The following COL5A1 variants were observed in gnomAD, a reference collection of about 807,000 sequenced individuals.
COL5A1 encodes collagen alpha-1(V) chain.
COL5A1 carries 16 observed loss-of-function variants against 263.7 expected under a neutral mutation model. That is an observed-to-expected ratio of 0.06 (90% CI 0.04 to 0.09). The LOEUF (loss-of-function observed/expected upper bound fraction) is 0.09. Among genes scored for constraint, COL5A1 ranks in the 10% least tolerant of loss-of-function variants. The pLI is 1.00. For missense variants in COL5A1, 2,036 were observed against 2,540.5 expected, an observed-to-expected ratio of 0.80 and a Z score of 4.27; for synonymous variants, 1,012 against 1,004.5, an observed-to-expected ratio of 1.01 and a Z score of -0.14.
chr9:134,731,463 G>A (rs778536488), intron 7 of COL5A1, 33 bp from the exon 8 acceptor site: 3 of 1,612,634 alleles, frequency 1.9e-6, no homozygotes, highest in South Asian at 1.1e-5. Flanking sequence ...GTGCGTTTGC[G>A]AGGCAACCCT....
At chr9:134,740,877 A>G (rs1378354868) in intron 11 of COL5A1, among the ~76,000 whole-genome samples, 2 of 152,190 alleles carry the variant, frequency 1.3e-5, no homozygotes, top group Non-Finnish European at 2.9e-5. Context: ...AGGGTCCAGG[A>G]GCATGAGGAC....
At position 134,678,388 on chromosome 9, in the gene COL5A1, G is replaced by T. The variant is rs1832739648; in HGVS notation, c.110-12524G>T. Among the ~76,000 whole-genome samples the T allele has an allele frequency of 6.6e-6, 1 of 152,184 alleles. No homozygotes were observed. Among genetic ancestry groups the T allele is most frequent in the South Asian group, 2.1e-4 (1 of 4,820 alleles). ...AGCTGCCCCTCCCCCATGGTGCTCGGGTGCATGGATGGTGCCCAGGGTCCA... is the reference window on the plus strand; with the variant it reads ...AGCTGCCCCTCCCCCATGGTGCTCGTGTGCATGGATGGTGCCCAGGGTCCA... On this transcript the variant is annotated intron_variant, in intron 1 of 65. Coordinates refer to ENST00000371817, the MANE Select transcript of COL5A1 (RefSeq NM_000093.5). The surrounding 1 kb of genome is among the most constrained non-coding windows in gnomAD (Gnocchi z 5.5).
At chr9:134,674,167 A>C (rs1173193002) in intron 1 of COL5A1, among the ~76,000 whole-genome samples, 1 of 152,188 alleles carries the variant, frequency 6.6e-6, no homozygotes, top group Non-Finnish European at 1.5e-5. Context: ...ATGTATAGGC[A>C]TTCATCCAAG....
At chr9:134,768,546 G>A in intron 25 of COL5A1, 83 bp downstream of exon 25, 1 of 1,403,524 alleles carries the variant, frequency 7.1e-7, no homozygotes, top group South Asian at 1.2e-5. Flanking sequence ...GGCTCTTTGG[G>A]GTTGTTGTTG....
chr9:134,825,571 C>T (rs1323314487), intron 62 of COL5A1, among the ~76,000 whole-genome samples: 1 of 152,176 alleles, frequency 6.6e-6, no homozygotes, highest in African/African-American at 2.4e-5. Context: ...TTGCTTCATG[C>T]ACCAGCTGTG....
In COL5A1 at chr9:134,824,842, C is replaced by T. The variant is rs747549921; in HGVS notation, c.4941C>T (p.Pro1647=). Residue 1647 remains proline (P), a synonymous_variant, in exon 62 of 66, where the codon CCC becomes CCT. Coordinates refer to ENST00000371817, the MANE Select transcript of COL5A1 (RefSeq NM_000093.5). The part of the protein sequence containing the change: ...RTCKDLQLCH[P]DFPDGEYWVD... Reference sequence around the variant, plus strand: ...GCAAGGACCTGCAGCTCTGCCACCCCGACTTCCCAGATGGTGAGGGCCTGG... The same window carrying T: ...GCAAGGACCTGCAGCTCTGCCACCCTGACTTCCCAGATGGTGAGGGCCTGG... The T allele has an allele frequency of 1.7e-4, 271 of 1,612,656 alleles. No individual in the cohort carries two copies. The highest frequency in any genetic ancestry group is 1.5e-3 in the Middle Eastern group (9 of 6,056).
chr9:134,688,039 G>T (rs539566173), intron 1 of COL5A1, among the ~76,000 whole-genome samples: 47 of 152,284 alleles, frequency 3.1e-4, no homozygotes, highest in African/African-American at 1.0e-3. Context: ...GGCTCCTCCT[G>T]GGCTCTCCCC....
intron 63 of COL5A1, among the ~76,000 whole-genome samples, chr9:134,826,342 G>A (rs917439276): frequency 2.2e-4 from 33 of 152,344 alleles, no homozygotes; most frequent in Admixed American, 1.1e-3. Flanking sequence ...GTTTCTGTGG[G>A]TTGGCCCTGG....
In COL5A1 at chr9:134,696,867, G is replaced by A. The variant is rs1048968449; in HGVS notation, c.278-3042G>A. 2.0e-5 allele frequency among the ~76,000 whole-genome samples: 3 copies of A among 152,024 alleles called. No homozygotes were observed. Among genetic ancestry groups the A allele is most frequent in the Admixed American group, 6.6e-5 (1 of 15,254 alleles). ...AGGCGGATCACGAGGTCAGGAGATC[G>A]AGACCATCCTGGCTAACACGGTGAA... is the stretch of plus-strand genomic sequence containing the variant. On this transcript the variant is annotated intron_variant, in intron 2 of 65. Transcript: ENST00000371817. This position sits in a 1 kb window ranked among gnomAD's most constrained non-coding sequence, Gnocchi z 4.3.
chr9:134,822,374 ACAGGAAACGGTGGCCATTT>A (rs1030506248), intron 59 of COL5A1, among the ~76,000 whole-genome samples: 2 of 152,198 alleles, frequency 1.3e-5, no homozygotes, highest in Non-Finnish European at 2.9e-5. Flanking sequence ...GAAGACAGGG[ACAGGAAACGGTGGCCATTT>A]CAGGGAACGA....
chr9:134,818,234 GACGCCGTC>G lies in COL5A1; in HGVS notation c.4230+406_4231-412del, dbSNP rs1297033518. On this transcript the variant is annotated intron_variant, in intron 54 of 65. Transcript: ENST00000371817. The surrounding 1 kb of genome is among the most constrained non-coding windows in gnomAD (Gnocchi z 6.0). ...GCTGCGGGGCCCGTGCAGAAGATGG[GACGCCGTC>G]ACCCATGCAGTTGGCTTGGGGCCTG... Among the ~76,000 whole-genome samples the G allele has an allele frequency of 6.6e-6, 1 of 152,214 alleles. No individual in the cohort carries two copies. Among genetic ancestry groups the G allele is most frequent in the Non-Finnish European group, 1.5e-5 (1 of 68,028 alleles).
chr9:134,759,540 T>TGCGC (rs576119873), intron 18 of COL5A1, among the ~76,000 whole-genome samples: 2 of 62,942 alleles, frequency 3.2e-5, no homozygotes, highest in African/African-American at 2.1e-4. Flanking sequence ...ACACCACACA[T>TGCGC]GCGCACACAC....
intron 29 of COL5A1, among the ~76,000 whole-genome samples, chr9:134,783,437 T>A (rs932104196): frequency 1.3e-5 from 2 of 151,848 alleles, no homozygotes; most frequent in African/African-American, 4.8e-5. Flanking sequence ...GAAGGAAGGG[T>A]AGGGAGCTCT....
At chr9:134,730,844 G>A (rs1350029489) in intron 7 of COL5A1, among the ~76,000 whole-genome samples, 2 of 152,198 alleles carry the variant, frequency 1.3e-5, no homozygotes, top group Non-Finnish European at 2.9e-5. Context: ...GGTGTGGCCA[G>A]GCAGGATGGG....
At chr9:134,756,632 A>G in intron 16 of COL5A1, 133 bp from the exon 17 acceptor site, 1 of 977,094 alleles carries the variant, frequency 1.0e-6, no homozygotes, top group South Asian at 1.3e-5. Flanking sequence ...CAGCCCGGCC[A>G]CTCGGGCTGT....
At chr9:134,666,271 C>A (rs530267101) in intron 1 of COL5A1, among the ~76,000 whole-genome samples, 12 of 152,272 alleles carry the variant, frequency 7.9e-5, no homozygotes, top group Middle Eastern at 3.4e-3. Context: ...AGGTGGGGAA[C>A]CTGAGGCTGG....
chr9:134,761,326 C>T (rs1452026129), intron 18 of COL5A1, among the ~76,000 whole-genome samples: 1 of 152,186 alleles, frequency 6.6e-6, no homozygotes, highest in Non-Finnish European at 1.5e-5. Context: ...CACCCACACC[C>T]CACTGCTCTG....
chr9:134,669,239 TCCC>T (rs1274910062), intron 1 of COL5A1, among the ~76,000 whole-genome samples: 1 of 40,856 alleles, frequency 2.4e-5, no homozygotes, highest in East Asian at 7.6e-4. Context: ...TCCCTTTCCT[TCCC>T]TTCCCTTCCC....
intron 27 of COL5A1, among the ~76,000 whole-genome samples, chr9:134,777,393 T>G (rs1021316424): frequency 6.6e-6 from 1 of 152,176 alleles, no homozygotes; most frequent in Non-Finnish European, 1.5e-5. Context: ...GGCCACTTCC[T>G]GCATGACTGG....
Sources: gnomAD v4.1 joint callset for allele counts (sites outside exome capture counted in the v4.1 genomes callset) on GRCh38, gnomAD v4.1.1 for gene constraint, Gnocchi (gnomAD v3.1) non-coding constraint, MANE v1.5 for transcripts, NCBI Gene and HGNC (gene_info 2026-07-23, HGNC 2026-07-21) for gene names.